Variants in ARSD observed in about 807,000 individuals in gnomAD.
ARSD encodes the protein arylsulfatase D, also known as testis tissue sperm-binding protein Li 39a.
ARSD carries 21 observed loss-of-function variants against 32.6 expected under a neutral mutation model. The ratio of observed to expected loss-of-function variants is 0.64; its 90% CI spans 0.46 to 0.93. ARSD has a LOEUF of 0.93. Among genes scored for constraint, ARSD ranks in the 40% least tolerant of loss-of-function variants. ARSD has a pLI of 0.00. For missense variants in ARSD, 454 were observed against 520.9 expected (o/e 0.87, Z 1.25); for synonymous variants, 224 against 237.4 (o/e 0.94, Z 0.52).
intron 6 of ARSD, chrX:2,913,763 C>T (rs1365502654): frequency 1.1e-6 from 1 of 912,730 alleles, no homozygotes; most frequent in Non-Finnish European, 1.4e-6. Flanking sequence ...TGTCCCCGCC[C>T]AAATCTCATG....
intron 6 of ARSD, chrX:2,914,676 G>A (rs769836470): frequency 9.7e-7 from 1 of 1,025,708 alleles, no homozygotes; most frequent in African/African-American, 1.9e-5. Flanking sequence ...AGGGTTTCTT[G>A]AAGGCCATAG....
rs776602768 is a variant in ARSD at position 2,917,791 on chromosome X, G to A, written c.863+13C>T. The A allele has an allele frequency of 1.7e-6, 2 of 1,194,879 alleles. No individual in the cohort carries two copies. Among genetic ancestry groups the A allele is most frequent in the South Asian group, 1.8e-5 (1 of 55,089 alleles). On this transcript the variant is annotated intron_variant, in intron 5 of 9. Transcript: ENST00000381154. The stretch of plus-strand genomic sequence containing the variant: ...CGGCCCCATCTCCTCTTTAAGATGC[G>A]ATGGTTGCTTACCTTTCAATATAGG...
At chrX:2,926,378 G>T in intron 1 of ARSD, among the ~76,000 whole-genome samples, 1 of 111,851 alleles carries the variant, frequency 8.9e-6, no homozygotes, top group Non-Finnish European at 1.9e-5. Flanking sequence ...ATCCTAAATG[G>T]GTCCTGTTAA....
chrX:2,925,220 G>A (rs893478643), intron 2 of ARSD, among the ~76,000 whole-genome samples: 10 of 111,774 alleles, frequency 8.9e-5, no homozygotes, highest in African/African-American at 3.2e-4. Flanking sequence ...CAGACGCAGA[G>A]GAGAAGGCCC....
Position 2,905,058 on chromosome X carries a change from T to G in ARSD, c.*2213A>C. On this transcript the variant is annotated 3_prime_UTR_variant, in exon 10 of 10. Transcript: ENST00000381154. ...CTTCAGGTTGAGTTCAGCCAACAGA[T>G]GCCCCTGTAGGATTTGGACACAGGG... 1 of 341,826 alleles carries G rather than the reference T, an allele frequency of 2.9e-6. No homozygotes were observed. Among genetic ancestry groups the G allele is most frequent in the Middle Eastern group, 4.4e-4 (1 of 2,279 alleles). 28.2% of individuals were successfully genotyped at this position (341,826 alleles called of 1,213,427 possible).
chrX:2,924,928 T>C (rs1191907795), intron 2 of ARSD, among the ~76,000 whole-genome samples: 3 of 109,642 alleles, frequency 2.7e-5, no homozygotes, highest in Non-Finnish European at 5.7e-5. Flanking sequence ...CAGGGAGCTC[T>C]GTTGGTGTCT....
rs2089128068 is a variant in ARSD at position 2,929,293 on chromosome X, G to C, written c.-18C>G. On this transcript the variant is annotated 5_prime_UTR_variant, in exon 1 of 10. Transcript: ENST00000381154. The stretch of plus-strand genomic sequence containing the variant: ...GATCGCATGGCCGAGCGCTGGCCCA[G>C]AGCGCAGGACCTTGCCCTGCGCACT... The C allele has an allele frequency of 7.0e-6, 7 of 997,271 alleles. No individual in the cohort carries two copies. Among genetic ancestry groups the C allele is most frequent in the Admixed American group, 5.6e-5 (1 of 17,886 alleles). The allele number at this position is 997,271 out of a possible 1,213,427, so 82.2% of individuals were successfully genotyped here. A position where few individuals can be genotyped will look rare whatever the true frequency, so the allele number is the denominator to read the frequency against.
Position 2,907,467 on chromosome X carries a change from AG to A in ARSD, c.1585del (p.Leu529Ter). On this transcript the variant is annotated frameshift_variant, in exon 10 of 10. Coordinates refer to ENST00000381154, the MANE Select transcript of ARSD (RefSeq NM_001669.4). LOFTEE classifies it low-confidence loss of function (END_TRUNC). ...GTACAGGGGCTCGGAGTCGGGGGTC[AG>A]GGGCCGTGCCTCGGAGGGGTCCCTG... ...LSRDPSEARP[L>X]TPDSEPLYHA... 1 of 1,209,733 alleles carries A rather than the reference AG, an allele frequency of 8.3e-7. No individual in the cohort carries two copies. Among genetic ancestry groups the A allele is most frequent in the Non-Finnish European group, 1.1e-6 (1 of 894,399 alleles).
intron 6 of ARSD, among the ~76,000 whole-genome samples, chrX:2,911,713 A>C (rs1439604447): frequency 9.1e-6 from 1 of 109,941 alleles, no homozygotes; most frequent in East Asian, 2.9e-4. Context: ...GAAACAAAAA[A>C]CAAAAACAAG....
intron 5 of ARSD, among the ~76,000 whole-genome samples, chrX:2,917,150 C>T (rs1184695006): frequency 9.1e-6 from 1 of 110,014 alleles, no homozygotes; most frequent in Non-Finnish European, 1.9e-5. Context: ...CTTTGGGAGG[C>T]CAAGATGGGA....
chrX:2,910,001 A>G, intron 7 of ARSD, 22 bp from the exon 8 acceptor site: 2 of 1,209,685 alleles, frequency 1.7e-6, no homozygotes, highest in Non-Finnish European at 2.2e-6. Context: ...AGACATCGTT[A>G]GGATTTTGCC....
Position 2,907,650 on chromosome X carries a change from G to A in ARSD, c.1421-18C>T. 3 of 1,096,009 alleles carry A rather than the reference G, an allele frequency of 2.7e-6. No individual in the cohort carries two copies. The highest frequency in any genetic ancestry group is 3.6e-6 in the Non-Finnish European group (3 of 839,283). 90.3% of individuals were successfully genotyped at this position (1,096,009 alleles called of 1,213,427 possible). ...GCTTCCACCTGGATGCAGACAAGAAGGGAGTCAGGGTGGCAGAAATCCACG... is the reference window on the plus strand; with the variant it reads ...GCTTCCACCTGGATGCAGACAAGAAAGGAGTCAGGGTGGCAGAAATCCACG... On this transcript the variant is annotated intron_variant, in intron 9 of 9. Transcript: ENST00000381154.
chrX:2,927,750 G>C (rs1004212039), intron 1 of ARSD, among the ~76,000 whole-genome samples: 3 of 112,028 alleles, frequency 2.7e-5, no homozygotes, highest in East Asian at 5.6e-4. Flanking sequence ...CCTAGTCTCT[G>C]ATTAGTTGGG....
At chrX:2,910,176 C>T (rs1187754327) in intron 7 of ARSD, among the ~76,000 whole-genome samples, 197 bp from the exon 8 acceptor site, 5 of 110,958 alleles carry the variant, frequency 4.5e-5, no homozygotes, top group Middle Eastern at 4.6e-3. Context: ...TCTTGAATAT[C>T]GGTGGGTCGC....
chrX:2,914,418 TGGGGGG>T, intron 6 of ARSD: 2 of 292,349 alleles, frequency 6.8e-6, no homozygotes, highest in Non-Finnish European at 9.4e-6. Context: ...TTTGTAGAGA[TGGGGGG>T]GGGGGGCGTC....
At chrX:2,922,267 G>T in intron 2 of ARSD, among the ~76,000 whole-genome samples, 1 of 110,605 alleles carries the variant, frequency 9.0e-6, no homozygotes, top group Non-Finnish European at 1.9e-5. Flanking sequence ...AAGTATATGA[G>T]ACAATTTATG....
At chrX:2,914,218 T>C in intron 6 of ARSD, 1 of 754,279 alleles carries the variant, frequency 1.3e-6, no homozygotes, top group Non-Finnish European at 1.6e-6. Context: ...TTTCTCCCTA[T>C]TCTTCGTCTT....
rs2228433 is a variant in ARSD at position 2,907,322 on chromosome X, G to A, written c.1731C>T (p.Cys577=). The stretch of plus-strand genomic sequence containing the variant: ...GGCATGAACAGAACGGGAAATGTCC[G>A]CAGCACGGCTGCAGCCACGGCTTCC... ...ILWKPWLQPC[C]GHFPFCSCHE... The change falls in exon 10 of 10, where the codon TGC becomes TGT. Residue 577 remains cysteine (C), a synonymous_variant. Coordinates refer to ENST00000381154, the MANE Select transcript of ARSD (RefSeq NM_001669.4). 1.8e-3 allele frequency: 2,124 copies of A among 1,210,414 alleles called. 29 individuals carry two copies. The African/African-American group carries it at 0.031, about 18-fold the overall frequency.
chrX:2,913,938 C>T (rs1234819231), intron 6 of ARSD: 2 of 279,813 alleles, frequency 7.1e-6, no homozygotes, highest in East Asian at 2.0e-4. Flanking sequence ...TCTTCCTCTC[C>T]TCTCTTGGTC....
Sources: allele counts gnomAD v4.1 joint callset (sites outside exome capture counted in the v4.1 genomes callset), GRCh38; gene constraint gnomAD v4.1.1; transcripts MANE v1.5; gene names NCBI Gene and HGNC (gene_info 2026-07-23, HGNC 2026-07-21).